The following FRMPD4 variants were observed in gnomAD, a reference collection of about 807,000 sequenced individuals.
FRMPD4 encodes the protein FERM and PDZ domain-containing protein 4.
A neutral mutation model predicts 94.1 loss-of-function variants in FRMPD4; 22 were observed. The observed-to-expected ratio is 0.23, with a 90% CI of 0.17 to 0.33. The LOEUF (loss-of-function observed/expected upper bound fraction) is 0.33, where lower values mean the gene tolerates loss of function less well. FRMPD4 is among the 10% of genes least tolerant of loss of function. The pLI, the probability that FRMPD4 is intolerant of heterozygous loss-of-function variation, is 1.00. For synonymous variants in FRMPD4, 631 were observed against 548.6 expected (o/e 1.15, Z -2.10); for missense variants, 1,111 against 1,339.9 (o/e 0.83, Z 2.67).
chrX:11,919,206 A>G (rs1388746436), intron 3 of FRMPD4, among the ~76,000 whole-genome samples: 1 of 112,306 alleles, frequency 8.9e-6, no homozygotes. Context: ...GATACCAGTA[A>G]TACCTCCCAT....
chrX:12,359,156 TAAAG>T (rs2055942241), intron 1 of FRMPD4, among the ~76,000 whole-genome samples: 1 of 112,144 alleles, frequency 8.9e-6, no homozygotes, highest in South Asian at 3.7e-4. Flanking sequence ...TTTATTAAAT[TAAAG>T]AAGCTATAAA....
chrX:12,425,527 A>T (rs2056935758), intron 1 of FRMPD4, among the ~76,000 whole-genome samples: 1 of 111,975 alleles, frequency 8.9e-6, no homozygotes, highest in South Asian at 3.8e-4. Flanking sequence ...CCCTGATAAG[A>T]TAACAGCTGG....
chrX:12,049,536 A>T (rs1406938449), intron 3 of FRMPD4, among the ~76,000 whole-genome samples: 2 of 111,666 alleles, frequency 1.8e-5, no homozygotes, highest in Non-Finnish European at 3.8e-5. Flanking sequence ...GAAGTCAATG[A>T]TGGACTGCCT....
In FRMPD4 at chrX:12,673,333, G is replaced by A. The variant is rs1289409981; in HGVS notation, c.423-1530G>A. Among the ~76,000 whole-genome samples the A allele has an allele frequency of 3.1e-4, 35 of 112,244 alleles. No individual in the cohort carries two copies. The Admixed American group carries it at 3.2e-3, about 10-fold the overall frequency. On this transcript the variant is annotated intron_variant, in intron 4 of 16. Coordinates refer to ENST00000675598, the MANE Select transcript of FRMPD4 (RefSeq NM_001368397.1). The stretch of plus-strand genomic sequence containing the variant: ...AAGAAACAGTGCTTTGTTTCTGTTT[G>A]TGCTGCTTTCCACATATTTGTCTCA...
intron 1 of FRMPD4, among the ~76,000 whole-genome samples, chrX:12,172,851 A>G: frequency 8.9e-6 from 1 of 112,785 alleles, no homozygotes; most frequent in Non-Finnish European, 1.9e-5. Context: ...AGCAAATGTT[A>G]TCTGCAGGGA....
At chrX:12,629,994 A>G (rs894385967) in intron 4 of FRMPD4, among the ~76,000 whole-genome samples, 8 of 112,874 alleles carry the variant, frequency 7.1e-5, no homozygotes, top group African/African-American at 2.6e-4. Context: ...GTTTGTAAAC[A>G]TACCTAGACT....
intron 1 of FRMPD4, among the ~76,000 whole-genome samples, chrX:12,467,891 A>T (rs998133948): frequency 4.5e-5 from 5 of 111,908 alleles, no homozygotes; most frequent in African/African-American, 6.5e-5. Flanking sequence ...CTACATTTTT[A>T]AAAAAAGATC....
In FRMPD4 at chrX:12,053,426, GAAAGAGAAAGAA is replaced by G. The variant is rs1569149856; in HGVS notation, c.95+175410_95+175421del. On this transcript the variant is annotated intron_variant, in intron 3 of 18. Coordinates refer to the FRMPD4 transcript ENST00000640291. The stretch of plus-strand genomic sequence containing the variant: ...AGAAAGAAAGAAAGAAAGAAAGAAA[GAAAGAGAAAGAA>G]AGAAGAGAAGAGAAGAGAGGAAAGG... 3.0e-3 allele frequency among the ~76,000 whole-genome samples: 282 copies of G among 93,080 alleles called. 1 individual carries two copies. Among genetic ancestry groups the G allele is most frequent in the East Asian group, 7.5e-3 (21 of 2,798 alleles). The allele number at this position is 93,080 out of a possible 115,157, so 80.8% of individuals were successfully genotyped here. A position where few individuals can be genotyped will look rare whatever the true frequency, so the allele number is the denominator to read the frequency against.
chrX:12,705,044 C>G (rs1416186719), intron 11 of FRMPD4, among the ~76,000 whole-genome samples: 2 of 111,722 alleles, frequency 1.8e-5, no homozygotes, highest in Admixed American at 9.5e-5. Flanking sequence ...CTCCCGTGAT[C>G]GTGACAAACA....
chrX:12,533,994 G>A (rs1027460005), intron 2 of FRMPD4, among the ~76,000 whole-genome samples: 2 of 112,757 alleles, frequency 1.8e-5, no homozygotes, highest in African/African-American at 3.2e-5. Flanking sequence ...GAGTCTTCAC[G>A]GAATCCCCTC....
intron 14 of FRMPD4, 77 bp downstream of exon 14, chrX:12,710,614 C>A: frequency 9.9e-7 from 1 of 1,005,280 alleles, no homozygotes; most frequent in Non-Finnish European, 1.4e-6. Context: ...AGGATGTTTT[C>A]TGAAAAGTTA....
At chrX:12,039,196 A>G (rs1174694060) in intron 3 of FRMPD4, among the ~76,000 whole-genome samples, 2 of 106,993 alleles carry the variant, frequency 1.9e-5, no homozygotes, top group Non-Finnish European at 3.9e-5. Flanking sequence ...TTATTTTTGC[A>G]TTTAATTTAT....
chrX:12,672,756 G>C (rs761977468), intron 4 of FRMPD4, among the ~76,000 whole-genome samples: 9 of 111,479 alleles, frequency 8.1e-5, no homozygotes, highest in African/African-American at 1.3e-4. Flanking sequence ...TTTCCACCTA[G>C]GTTTGGATTA....
chrX:12,230,913 ATAT>A (rs1569199540), intron 1 of FRMPD4, among the ~76,000 whole-genome samples: 1 of 83,589 alleles, frequency 1.2e-5, no homozygotes, highest in African/African-American at 4.5e-5. Context: ...TATACTATAT[ATAT>A]TACTATATTA....
chrX:11,841,180 T>C (rs1283069980), intron 1 of FRMPD4, among the ~76,000 whole-genome samples: 1 of 108,901 alleles, frequency 9.2e-6, no homozygotes, highest in Non-Finnish European at 1.9e-5. Context: ...AAGTCTTTGC[T>C]ATTGTGAATA....
intron 1 of FRMPD4, among the ~76,000 whole-genome samples, chrX:12,309,083 A>G (rs1166982223): frequency 2.7e-5 from 3 of 112,487 alleles, no homozygotes; most frequent in Admixed American, 9.4e-5. Context: ...TGTTGCAGCT[A>G]CTCAACTCTG....
chrX:12,644,157 A>G (rs2059526012), intron 4 of FRMPD4, among the ~76,000 whole-genome samples: 1 of 110,069 alleles, frequency 9.1e-6, no homozygotes, highest in Admixed American at 9.7e-5. Flanking sequence ...GCAACCTCCA[A>G]CTCCTGAGCT....
chrX:12,605,776 C>A (rs1182935195), intron 2 of FRMPD4, among the ~76,000 whole-genome samples: 1 of 111,191 alleles, frequency 9.0e-6, no homozygotes, highest in African/African-American at 3.3e-5. Context: ...CTGTTCCCTG[C>A]TGATCATTAC....
intron 1 of FRMPD4, among the ~76,000 whole-genome samples, chrX:12,254,930 A>G (rs923385233): frequency 9.0e-6 from 1 of 110,834 alleles, no homozygotes; most frequent in Non-Finnish European, 1.9e-5. Context: ...TGACATTTTC[A>G]TAATCCCCAC....
Sources: gnomAD v4.1 joint callset for allele counts (sites outside exome capture counted in the v4.1 genomes callset) on GRCh38, gnomAD v4.1.1 for gene constraint, MANE v1.5 for transcripts, NCBI Gene and HGNC (gene_info 2026-07-23, HGNC 2026-07-21) for gene names.